Variants in GPR155 observed in about 807,000 individuals in gnomAD.
GPR155 encodes the protein G protein-coupled receptor 155, also known as lysosomal cholesterol signaling protein.
Under a neutral mutation model 93.1 loss-of-function variants are expected in GPR155, and 65 were observed. The observed-to-expected ratio is 0.70, with a 90% CI of 0.57 to 0.86. The LOEUF (loss-of-function observed/expected upper bound fraction) is 0.86. Ranked by LOEUF, GPR155 falls within the 40% of genes least tolerant of loss-of-function variation. GPR155 has a pLI of 0.00. For missense variants in GPR155, 838 were observed against 1,034.8 expected, an observed-to-expected ratio of 0.81 and a Z score of 2.61; for synonymous variants, 319 against 360.1, an observed-to-expected ratio of 0.89 and a Z score of 1.29.
intron 10 of GPR155, among the ~76,000 whole-genome samples, chr2:174,454,843 AAAGG>A (rs1574711027): frequency 2.6e-5 from 1 of 38,866 alleles, no homozygotes; most frequent in Non-Finnish European, 8.9e-5. Context: ...AAAGGAAGGA[AAAGG>A]AAGGAAGGGA....
Position 174,468,951 on chromosome 2 carries a change from A to C in GPR155, c.1143T>G (p.Asn381Lys). ...TGACAATACTTATATCAAAACTAAC[A>C]TTCTGGATGGCATATGCCAATGGCT... Reference protein sequence around the residue: ...DPKPLAYAIQNVSFDISIVSL... With the variant: ...DPKPLAYAIQKVSFDISIVSL... Residue 381 changes from asparagine to lysine, a missense_variant, in exon 5 of 16, where the codon AAT (asparagine) becomes AAG (lysine). By Grantham distance (94) the Asn-to-Lys change is moderately conservative. Around this residue, in one of 3 missense-constraint regions of GPR155, gnomAD observed 663 missense variants for 790.1 expected, o/e 0.84. Transcript: ENST00000392552. 6.2e-7 allele frequency: 1 copy of C among 1,614,080 alleles called. No homozygotes were observed. Among genetic ancestry groups the C allele is most frequent in the Non-Finnish European group, 8.5e-7 (1 of 1,179,942 alleles).
rs143400058 is a variant in GPR155, at chr2:174,446,732, C to G, written c.1892G>C (p.Ser631Thr). 1.1e-5 allele frequency: 17 copies of G among 1,613,780 alleles called. No individual in the cohort carries two copies. In the African/African-American group the frequency reaches 1.6e-4, roughly 15 times the overall value. ...PSFEKNNHCVSRCNSQSCILA... is the reference protein window; with the variant it reads ...PSFEKNNHCVTRCNSQSCILA... The stretch of plus-strand genomic sequence containing the variant: ...TATGCAGCTCTGGGAGTTACAGCGA[C>G]TCACACAATGATTGTCTATAAAAGA... The change falls in exon 12 of 16, where the codon AGT becomes ACT. Residue 631 changes from serine (S) to threonine (T), a missense_variant. By Grantham distance (58) the Ser-to-Thr change is moderately conservative. Transcript: ENST00000392552.
At chr2:174,468,770 G>T (rs1385044953) in intron 5 of GPR155, 142 bp downstream of exon 5, 6 of 735,896 alleles carry the variant, frequency 8.2e-6, no homozygotes, top group East Asian at 2.5e-5. Context: ...CAGTTAATCA[G>T]AAGGCTGACA....
rs774976867 is a variant in GPR155 at position 174,461,580 on chromosome 2, C to T, written c.1469+8G>A. 1.6e-5 allele frequency: 26 copies of T among 1,595,696 alleles called. No individual in the cohort carries two copies. The highest frequency in any genetic ancestry group is 2.6e-6 in the Non-Finnish European group (3 of 1,163,476). ...AAGGTGTAAGCAAACAGAGAACTAC[C>T]AACTTACCCCCAGCCAGATATTATG... On this transcript the variant is annotated splice_region_variant and intron_variant, in intron 8 of 15. Coordinates refer to ENST00000392552, the MANE Select transcript of GPR155 (RefSeq NM_152529.7).
chr2:174,444,060 TTTTAAGA>T (rs1034640761), intron 13 of GPR155, among the ~76,000 whole-genome samples: 4 of 152,208 alleles, frequency 2.6e-5, no homozygotes, highest in Non-Finnish European at 4.4e-5. Flanking sequence ...TGATTTTTCT[TTTTAAGA>T]TTTAAGTATC....
chr2:174,445,613 C>T (rs1687097256), intron 12 of GPR155, among the ~76,000 whole-genome samples: 1 of 152,180 alleles, frequency 6.6e-6, no homozygotes, highest in African/African-American at 2.4e-5. Flanking sequence ...ACGAGCATCC[C>T]AGTGTGCAAA....
chr2:174,485,204 G>A (rs548791833), intron 1 of GPR155, among the ~76,000 whole-genome samples: 2 of 152,176 alleles, frequency 1.3e-5, no homozygotes, highest in Non-Finnish European at 2.9e-5. Context: ...AACAGTGAAG[G>A]CAGAGCTCTT....
At chr2:174,458,589 A>C (rs1687589611) in intron 10 of GPR155, among the ~76,000 whole-genome samples, 1 of 152,186 alleles carries the variant, frequency 6.6e-6, no homozygotes, top group Non-Finnish European at 1.5e-5. Context: ...TCTCCTGTTT[A>C]TCCAATACCT....
chr2:174,446,036 G>A (rs1687111507), intron 12 of GPR155, among the ~76,000 whole-genome samples: 1 of 152,030 alleles, frequency 6.6e-6, no homozygotes, highest in South Asian at 2.1e-4. Context: ...GCCTGGCGCA[G>A]TGGCTCACGC....
intron 5 of GPR155, among the ~76,000 whole-genome samples, chr2:174,467,795 G>A (rs932744032): frequency 2.0e-5 from 3 of 152,090 alleles, no homozygotes; most frequent in African/African-American, 7.2e-5. Context: ...AAGTGCAGTG[G>A]TGCGATCTCG....
chr2:174,463,613 A>C (rs1278357032), intron 7 of GPR155, among the ~76,000 whole-genome samples: 2 of 152,242 alleles, frequency 1.3e-5, no homozygotes, highest in African/African-American at 2.4e-5. Context: ...GTGAGATAAC[A>C]AGGTCAAAAC....
At chr2:174,436,602 T>C (rs1686791970) in intron 15 of GPR155, among the ~76,000 whole-genome samples, 186 bp from the exon 16 acceptor site, 1 of 152,222 alleles carries the variant, frequency 6.6e-6, no homozygotes, top group Middle Eastern at 3.4e-3. Flanking sequence ...AAAGACCCAC[T>C]GGAGAAAAAG....
chr2:174,466,054 C>A, intron 6 of GPR155, 152 bp from the exon 7 acceptor site: 1 of 561,166 alleles, frequency 1.8e-6, no homozygotes, highest in Non-Finnish European at 3.2e-6. Flanking sequence ...GAATAATTAT[C>A]AAGTATTACA....
At chr2:174,485,471 C>T (rs1688448893) in intron 1 of GPR155, among the ~76,000 whole-genome samples, 1 of 151,994 alleles carries the variant, frequency 6.6e-6, no homozygotes, top group Admixed American at 6.6e-5. Context: ...GTGGCAGATG[C>T]CTGTAATCCC....
intron 7 of GPR155, 119 bp downstream of exon 7, chr2:174,465,656 CTGATCTGCCT>C (rs1463032306): frequency 5.6e-5 from 30 of 535,990 alleles, no homozygotes; most frequent in Non-Finnish European, 9.9e-5. Flanking sequence ...TGTGGGTGGG[CTGATCTGCCT>C]CAGTGCATGC....
intron 12 of GPR155, among the ~76,000 whole-genome samples, chr2:174,445,997 G>A (rs1279495305): frequency 6.6e-6 from 1 of 151,796 alleles, no homozygotes; most frequent in Admixed American, 6.6e-5. Flanking sequence ...AAGTGGCCCT[G>A]TGTACATTAT....
chr2:174,473,987 G>A (rs917737007), intron 2 of GPR155, among the ~76,000 whole-genome samples: 3 of 152,198 alleles, frequency 2.0e-5, no homozygotes, highest in Non-Finnish European at 2.9e-5. Flanking sequence ...CAGATGACAA[G>A]GTCCAGGATG....
chr2:174,470,340 T>A (rs1042914230), intron 4 of GPR155, 50 bp downstream of exon 4: 3 of 1,391,724 alleles, frequency 2.2e-6, no homozygotes, highest in Admixed American at 2.5e-5. Flanking sequence ...AATTTAAAAA[T>A]TTTTTTCGAC....
chr2:174,465,827 C>T lies in GPR155; in HGVS notation c.1342G>A (p.Val448Ile). 2 of 1,607,462 alleles carry T rather than the reference C, an allele frequency of 1.2e-6. No homozygotes were observed. The highest frequency in any genetic ancestry group is 2.2e-5 in the East Asian group (1 of 44,860). The change falls in exon 7 of 16, where the codon GTT (valine) becomes ATT (isoleucine). Residue 448 changes from valine to isoleucine, a missense_variant. By Grantham distance (29) the Val-to-Ile change is conservative. Around this residue, in one of 3 missense-constraint regions of GPR155, gnomAD observed 663 missense variants for 790.1 expected, o/e 0.84. Coordinates refer to ENST00000392552, the MANE Select transcript of GPR155 (RefSeq NM_152529.7). ...CTATAGAGGGAGCTGTACAATAGAA[C>T]AAACACCAAAATTTGTCCAACAAAA... ...KNFVGQILVF[V>I]LLYSSLYSTY...
Sources: gnomAD v4.1 joint callset for allele counts (sites outside exome capture counted in the v4.1 genomes callset) on GRCh38, gnomAD v4.1.1 for gene constraint, gnomAD v4.1.1 regional missense constraint, MANE v1.5 for transcripts, NCBI Gene and HGNC (gene_info 2026-07-23, HGNC 2026-07-21) for gene names.